DENND2B: variants seen among roughly 807,000 people sequenced by gnomAD.
DENND2B encodes DENN domain containing 2B.
In DENND2B, 32 loss-of-function variants were observed where a neutral mutation model predicts 116.0. That is an observed-to-expected ratio of 0.28 (90% CI 0.21 to 0.37). The LOEUF is 0.37. Ranked by LOEUF, DENND2B falls within the 10% of genes least tolerant of loss-of-function variation. The pLI, the probability that DENND2B is intolerant of heterozygous loss-of-function variation, is 1.00. For missense variants in DENND2B, 1,276 were observed against 1,477.7 expected (o/e 0.86, Z 2.24); for synonymous variants, 588 against 583.9 (o/e 1.01, Z -0.10).
At chr11:8,826,763 T>C (rs999862061) in intron 4 of DENND2B, among the ~76,000 whole-genome samples, 1 of 152,258 alleles carries the variant, frequency 6.6e-6, no homozygotes, top group African/African-American at 2.4e-5. Context: ...ATTAGCTCCT[T>C]ATCTAACAAG....
Position 8,806,605 on chromosome 11 carries a change from A to AAC in DENND2B, c.-26+3910_-26+3911dup, listed in dbSNP as rs71059180. Among the ~76,000 whole-genome samples, 679 of 118,572 alleles carry AAC rather than the reference A, an allele frequency of 5.7e-3. 7 individuals carry two copies. The highest frequency in any genetic ancestry group is 0.016 in the African/African-American group (503 of 32,414). 77.8% of individuals were successfully genotyped at this position (118,572 alleles called of 152,430 possible). A position where few individuals can be genotyped will look rare whatever the true frequency, so the allele number is the denominator to read the frequency against. ...ATTTAACACCCTCCTCTCCCTTCAA[A>AAC]ACACACACACACACACACACACACA... On this transcript the variant is annotated intron_variant, in intron 1 of 19. Coordinates refer to ENST00000313726, the MANE Select transcript of DENND2B (RefSeq NM_213618.2).
intron 2 of DENND2B, among the ~76,000 whole-genome samples, chr11:8,867,942 T>G (rs1490107730): frequency 6.6e-6 from 1 of 152,134 alleles, no homozygotes; most frequent in Non-Finnish European, 1.5e-5. Context: ...TCAACTTACC[T>G]AAGATGTTTA....
intron 1 of DENND2B, among the ~76,000 whole-genome samples, chr11:8,778,412 C>T (rs2057979719): frequency 6.6e-6 from 1 of 152,196 alleles, no homozygotes; most frequent in Non-Finnish European, 1.5e-5. Flanking sequence ...CAGTCCCCGT[C>T]CACATCCACC....
chr11:8,699,852 C>A (rs1425756186), intron 14 of DENND2B: 1 of 456,544 alleles, frequency 2.2e-6, no homozygotes, highest in Non-Finnish European at 4.4e-6. Context: ...GCTGGCTGGA[C>A]CTACCCCTCC....
rs79817115 is a variant in DENND2B at position 8,764,311 on chromosome 11, A to G, written c.-25-13586T>C. Among the ~76,000 whole-genome samples, 233 of 152,316 alleles carry G rather than the reference A, an allele frequency of 1.5e-3. 1 individual carries two copies. The highest frequency in any genetic ancestry group is 0.012 in the Admixed American group (176 of 15,294). ...ACAGATCTTAGATCATTAGGGCTCA[A>G]TTTCCCTTTGGAGGAAAACCCTTTT... On this transcript the variant is annotated intron_variant, in intron 1 of 19. Coordinates refer to ENST00000313726, the MANE Select transcript of DENND2B (RefSeq NM_213618.2).
chr11:8,766,047 A>G (rs2055701477), intron 1 of DENND2B, among the ~76,000 whole-genome samples: 1 of 151,998 alleles, frequency 6.6e-6, no homozygotes, highest in Non-Finnish European at 1.5e-5. Context: ...CAAAAAACCT[A>G]CTTATAAAAG....
chr11:8,738,355 C>T (rs1470961767), intron 2 of DENND2B, among the ~76,000 whole-genome samples: 1 of 152,216 alleles, frequency 6.6e-6, no homozygotes, highest in Non-Finnish European at 1.5e-5. Flanking sequence ...CAGTCGGTTT[C>T]CTTGGCTAGT....
Position 8,776,152 on chromosome 11 carries a change from GCGCGCGCGCACACA to G in DENND2B, c.-25-25441_-25-25428del, listed in dbSNP as rs1342611794. On this transcript the variant is annotated intron_variant, in intron 1 of 19. Transcript: ENST00000313726. The stretch of plus-strand genomic sequence containing the variant: ...CACAGACACGCACGTGCGCGCACGC[GCGCGCGCGCACACA>G]CACACACACACACACACACACCTAC... 1.8e-4 allele frequency: 49 copies of G among 274,142 alleles called. 1 individual carries two copies. The highest frequency in any genetic ancestry group is 1.3e-3 in the African/African-American group (36 of 27,350). 17.0% of individuals were successfully genotyped at this position (274,142 alleles called of 1,614,324 possible). A position where few individuals can be genotyped will look rare whatever the true frequency, so the allele number is the denominator to read the frequency against.
At chr11:8,694,551 T>C in intron 19 of DENND2B, 1 of 458,930 alleles carries the variant, frequency 2.2e-6, no homozygotes, top group Non-Finnish European at 4.4e-6. Context: ...AAAGACCTGA[T>C]GTATGTGGGA....
Position 8,710,918 on chromosome 11 carries a change from G to A in DENND2B, c.2283-4C>T. The A allele has an allele frequency of 6.2e-7, 1 of 1,614,084 alleles. No homozygotes were observed. The highest frequency in any genetic ancestry group is 8.5e-7 in the Non-Finnish European group (1 of 1,179,980). On this transcript the variant is annotated splice_polypyrimidine_tract_variant and splice_region_variant and intron_variant, in intron 10 of 19. Transcript: ENST00000313726. ...CAGCATGAAAGAAAAGGTCTCACTG[G>A]AACAAAGAGAGGTCTGGCATCAGGG...
chr11:8,749,385 T>C (rs766911642), intron 2 of DENND2B, among the ~76,000 whole-genome samples: 2 of 152,228 alleles, frequency 1.3e-5, no homozygotes, highest in Non-Finnish European at 2.9e-5. Flanking sequence ...GGTGTTCCTA[T>C]CAGTCTTGCT....
chr11:8,901,229 C>CTTTTCTTTTTTTTTT (rs781408078), intron 1 of DENND2B, among the ~76,000 whole-genome samples: 2 of 83,918 alleles, frequency 2.4e-5, no homozygotes, highest in African/African-American at 4.8e-5. Flanking sequence ...CTTTTCTTTT[C>CTTTTCTTTTTTTTTT]TTTTTTTTTT....
At chr11:8,844,647 AT>A (rs1197093762) in intron 3 of DENND2B, among the ~76,000 whole-genome samples, 1 of 152,102 alleles carries the variant, frequency 6.6e-6, no homozygotes, top group Non-Finnish European at 1.5e-5. Context: ...CTTCTCTGCA[AT>A]ATATATATTA....
intron 4 of DENND2B, among the ~76,000 whole-genome samples, chr11:8,834,793 G>C (rs1050899373): frequency 1.3e-5 from 2 of 152,178 alleles, no homozygotes; most frequent in Non-Finnish European, 2.9e-5. Context: ...ATAGGTTGAA[G>C]ACAGTTTTCC....
At chr11:8,698,313 C>G (rs1288886260) in intron 16 of DENND2B, among the ~76,000 whole-genome samples, 1 of 152,054 alleles carries the variant, frequency 6.6e-6, no homozygotes, top group Non-Finnish European at 1.5e-5. Context: ...CAGCCTGTGT[C>G]TCAGGAATGA....
chr11:8,715,720 G>T lies in DENND2B; in HGVS notation c.1728C>A (p.Asp576Glu). ...TCAGCTGAGCCAGCAGCAGCATGTC[G>T]TCATGGCTGTGCCTCTTGGGTAATC... Reference protein sequence around the residue: ...LPRLPKRHSHDDMLLLAQLSL... With the variant: ...LPRLPKRHSHEDMLLLAQLSL... Residue 576 changes from aspartate (D) to glutamate (E), a missense_variant, in exon 6 of 20, where the codon GAC (aspartate) becomes GAA (glutamate). This residue lies in a region of DENND2B where 856 missense variants were observed against 846.6 expected (regional missense o/e 1.01). Transcript: ENST00000313726. The T allele has an allele frequency of 6.2e-7, 1 of 1,614,254 alleles. No individual in the cohort carries two copies. The highest frequency in any genetic ancestry group is 8.5e-7 in the Non-Finnish European group (1 of 1,180,046).
intron 4 of DENND2B, among the ~76,000 whole-genome samples, chr11:8,723,081 A>C (rs1362685149): frequency 2.0e-5 from 3 of 150,264 alleles, no homozygotes; most frequent in Non-Finnish European, 4.4e-5. Context: ...CTGTTGCCCC[A>C]CCCCCTCCCT....
Position 8,712,490 on chromosome 11 carries a change from C to T in DENND2B, c.2172+61G>A, listed in dbSNP as rs537242718. The stretch of plus-strand genomic sequence containing the variant: ...GATCTCTCTCCTTCCCCAGATAGGC[C>T]TGGCGGATAGAGGATGGAAGAGGGG... On this transcript the variant is annotated intron_variant, in intron 9 of 19. Transcript: ENST00000313726. The surrounding 1 kb of genome is among the most constrained non-coding windows in gnomAD (Gnocchi z 4.4). The T allele has an allele frequency of 3.2e-5, 48 of 1,493,868 alleles. No homozygotes were observed. In the South Asian group the frequency reaches 5.7e-4, roughly 18 times the overall value. The allele number at this position is 1,493,868 out of a possible 1,614,324, so 92.5% of individuals were successfully genotyped here. A position where few individuals can be genotyped will look rare whatever the true frequency, so the allele number is the denominator to read the frequency against.
intron 13 of DENND2B, among the ~76,000 whole-genome samples, chr11:8,705,745 CTG>C (rs2042488337): frequency 6.6e-6 from 1 of 152,220 alleles, no homozygotes; most frequent in Admixed American, 6.5e-5. Flanking sequence ...CTTACAGTCT[CTG>C]TAACAACTAC....
Sources: gnomAD v4.1 joint callset for allele counts (sites outside exome capture counted in the v4.1 genomes callset) on GRCh38, gnomAD v4.1.1 for gene constraint, gnomAD v4.1.1 regional missense constraint, Gnocchi (gnomAD v3.1) non-coding constraint, MANE v1.5 for transcripts, NCBI Gene and HGNC (gene_info 2026-07-23, HGNC 2026-07-21) for gene names.